Variants in PRRC2B observed in about 807,000 individuals in gnomAD.
PRRC2B encodes protein PRRC2B.
Under a neutral mutation model 242.3 loss-of-function variants are expected in PRRC2B, and 68 were observed. The observed-to-expected ratio is 0.28, with a 90% confidence interval of 0.23 to 0.34. The LOEUF is 0.34. Ranked by LOEUF, PRRC2B falls within the 10% of genes least tolerant of loss-of-function variation. PRRC2B has a pLI of 1.00. For synonymous variants in PRRC2B, 1,228 were observed against 1,173.6 expected (o/e 1.05, Z -0.95); for missense variants, 2,835 against 2,954.8 (o/e 0.96, Z 0.94).
intron 3 of PRRC2B, among the ~76,000 whole-genome samples, chr9:131,436,166 C>T (rs1343949249): frequency 6.6e-6 from 1 of 152,098 alleles, no homozygotes; most frequent in South Asian, 2.1e-4. Flanking sequence ...TTAGTTTTTG[C>T]AGACAGAAGG....
At chr9:131,481,676 C>A (rs1242690252) in intron 19 of PRRC2B, 50 bp from the exon 20 acceptor site, 5 of 1,419,984 alleles carry the variant, frequency 3.5e-6, no homozygotes, top group Non-Finnish European at 4.9e-6. Context: ...CATAAACTCT[C>A]TAGACGGGTT....
At position 131,453,895 on chromosome 9, in the gene PRRC2B, A is replaced by T. The variant is rs183307756; in HGVS notation, c.1121-1181A>T. Reference sequence around the variant, plus strand: ...ATTGACATAATTGTCATATAACATAAAATTTACCCTTTTAAAGTCTATAGT... The same window carrying T: ...ATTGACATAATTGTCATATAACATATAATTTACCCTTTTAAAGTCTATAGT... On this transcript the variant is annotated intron_variant, in intron 9 of 31. Transcript: ENST00000683519. Among the ~76,000 whole-genome samples the T allele has an allele frequency of 2.0e-5, 3 of 152,352 alleles. No homozygotes were observed. The East Asian group carries it at 5.8e-4, about 29-fold the overall frequency.
chr9:131,420,453 T>TCTTTCTTTCTTTC (rs1837776424), intron 1 of PRRC2B, among the ~76,000 whole-genome samples: 1 of 60,988 alleles, frequency 1.6e-5, no homozygotes, highest in African/African-American at 5.3e-5. Flanking sequence ...TTCTTTTTCT[T>TCTTTCTTTCTTTC]TTTCTTTCTT....
chr9:131,401,904 G>A (rs887198497), intron 1 of PRRC2B, among the ~76,000 whole-genome samples: 1 of 151,796 alleles, frequency 6.6e-6, no homozygotes. Flanking sequence ...CAGGTGATCT[G>A]CCCACCTCGA....
intron 28 of PRRC2B, chr9:131,490,338 T>C (rs1944153270): frequency 4.2e-6 from 2 of 472,290 alleles, no homozygotes; most frequent in South Asian, 1.6e-5. Context: ...CCAGCTCCTG[T>C]AGGGACTCCT....
At chr9:131,453,475 C>T (rs1942982751) in intron 9 of PRRC2B, among the ~76,000 whole-genome samples, 1 of 152,096 alleles carries the variant, frequency 6.6e-6, no homozygotes, top group Non-Finnish European at 1.5e-5. Context: ...TGGGCTCAAG[C>T]AGTCCTCCCA....
intron 1 of PRRC2B, among the ~76,000 whole-genome samples, chr9:131,375,998 G>A (rs1355446200): frequency 6.9e-6 from 1 of 144,892 alleles, no homozygotes; most frequent in Non-Finnish European, 1.5e-5. Flanking sequence ...GCGGTGAGCT[G>A]AGATCTCGCC....
At chr9:131,393,660 G>A (rs918159143), upstream of PRRC2B, among the ~76,000 whole-genome samples, 4 of 152,216 alleles carry the variant, frequency 2.6e-5, no homozygotes, top group Non-Finnish European at 5.9e-5. Flanking sequence ...GGGAGGGGGC[G>A]GAGATCCGGG....
Position 131,482,920 on chromosome 9 carries a change from T to G in PRRC2B, c.5373+13T>G. ...AGTCAGTCCAAAAGTGAGGCTTTGA[T>G]TTGTTTTCTTGCTTGCTTTTTTTAC... is the stretch of plus-strand genomic sequence containing the variant. On this transcript the variant is annotated intron_variant, in intron 22 of 31. Transcript: ENST00000683519. The surrounding 1 kb of genome is among the most constrained non-coding windows in gnomAD (Gnocchi z 5.2). 6.3e-7 allele frequency: 1 copy of G among 1,596,342 alleles called. No homozygotes were observed. Among genetic ancestry groups the G allele is most frequent in the South Asian group, 1.1e-5 (1 of 88,318 alleles).
chr9:131,481,683 G>T, intron 19 of PRRC2B, 43 bp from the exon 20 acceptor site: 1 of 1,448,950 alleles, frequency 6.9e-7, no homozygotes, highest in Non-Finnish European at 9.5e-7. Flanking sequence ...TCTCTAGACG[G>T]GTTGCTCTTT....
intron 14 of PRRC2B, 24 bp downstream of exon 14, chr9:131,471,007 CATACCTG>C (rs771150639): frequency 2.5e-5 from 39 of 1,558,516 alleles, no homozygotes; most frequent in Non-Finnish European, 3.3e-5. Flanking sequence ...TCTGACGGTC[CATACCTG>C]TATCACCCAG....
rs1178453427 is a variant in PRRC2B at position 131,439,122 on chromosome 9, T to C, written c.469+61T>C. The C allele has an allele frequency of 6.9e-6, 10 of 1,441,570 alleles. No individual in the cohort carries two copies. The East Asian group carries it at 2.3e-4, about 34-fold the overall frequency. 89.3% of individuals were successfully genotyped at this position (1,441,570 alleles called of 1,614,324 possible). The stretch of plus-strand genomic sequence containing the variant: ...TGGGGAGAGGGAGGTGAATGCCTTT[T>C]CCAGAATGTCTGGTTGGGTCTAGGC... On this transcript the variant is annotated intron_variant, in intron 5 of 31. Coordinates refer to ENST00000683519, the MANE Select transcript of PRRC2B (RefSeq NM_013318.4).
At chr9:131,481,531 A>G (rs1331907658) in intron 19 of PRRC2B, among the ~76,000 whole-genome samples, 195 bp from the exon 20 acceptor site, 1 of 152,002 alleles carries the variant, frequency 6.6e-6, no homozygotes, top group Non-Finnish European at 1.5e-5. Flanking sequence ...AAAGTTGGGT[A>G]AGGCTGTCAG....
At chr9:131,448,823 T>A (rs1256914191) in intron 9 of PRRC2B, among the ~76,000 whole-genome samples, 1 of 152,132 alleles carries the variant, frequency 6.6e-6, no homozygotes, top group African/African-American at 2.4e-5. Flanking sequence ...TAAATTATAG[T>A]GAAAGGTACC....
chr9:131,392,349 G>A (rs890808764), upstream of PRRC2B, among the ~76,000 whole-genome samples: 1 of 152,050 alleles, frequency 6.6e-6, no homozygotes, highest in African/African-American at 2.4e-5. Flanking sequence ...CACCTGCCTC[G>A]ACCTACCAAA....
chr9:131,402,938 G>GGGAAGCC, intron 1 of PRRC2B, among the ~76,000 whole-genome samples: 2 of 152,300 alleles, frequency 1.3e-5, no homozygotes, highest in East Asian at 3.9e-4. Context: ...CTGTGCCTCC[G>GGGAAGCC]GGAAGCCGGC....
chr9:131,465,030 A>G lies in PRRC2B; in HGVS notation c.1672A>G (p.Ser558Gly), dbSNP rs766484896. 5 of 1,613,954 alleles carry G rather than the reference A, an allele frequency of 3.1e-6. No homozygotes were observed. The South Asian group carries it at 5.5e-5, about 18-fold the overall frequency. Residue 558 changes from serine to glycine, a missense_variant, in exon 12 of 32, where the codon AGT becomes GGT. Around this residue, in one of 7 missense-constraint regions of PRRC2B, gnomAD observed 1,536 missense variants for 1,483.1 expected, o/e 1.04. Transcript: ENST00000683519. ...QAEKEVPWSP[S>G]AEKASPQENG... Reference sequence around the variant, plus strand: ...AGAGAAGGAAGTGCCCTGGTCTCCAAGTGCTGAGAAGGCATCTCCCCAGGA... The same window carrying G: ...AGAGAAGGAAGTGCCCTGGTCTCCAGGTGCTGAGAAGGCATCTCCCCAGGA...
At chr9:131,477,639 A>T in intron 16 of PRRC2B, 105 bp from the exon 17 acceptor site, 1 of 676,202 alleles carries the variant, frequency 1.5e-6, no homozygotes, top group Non-Finnish European at 2.5e-6. Context: ...AGCTAGAGGA[A>T]GTGGGCCTAG....
At chr9:131,488,124 G>A (rs777870129) in intron 28 of PRRC2B, 28 bp downstream of exon 28, 1 of 1,597,164 alleles carries the variant, frequency 6.3e-7, no homozygotes, top group Non-Finnish European at 8.6e-7. Context: ...TCTACCCAAA[G>A]CCCTAGGCTT....
Sources: allele counts gnomAD v4.1 joint callset (sites outside exome capture counted in the v4.1 genomes callset), GRCh38; gene constraint gnomAD v4.1.1; regional missense constraint gnomAD v4.1.1; non-coding constraint Gnocchi (gnomAD v3.1); transcripts MANE v1.5; gene names NCBI Gene and HGNC (gene_info 2026-07-23, HGNC 2026-07-21).